Variants in ZC3H12B observed in about 807,000 individuals in gnomAD.
ZC3H12B encodes the protein zinc finger CCCH-type containing 12B.
Under a neutral mutation model 43.9 loss-of-function variants are expected in ZC3H12B, and 7 were observed. The ratio of observed to expected loss-of-function variants is 0.16; its 90% CI spans 0.09 to 0.30. The LOEUF (loss-of-function observed/expected upper bound fraction) is 0.30, where lower values mean the gene tolerates loss of function less well. ZC3H12B is among the 10% of genes least tolerant of loss of function. The probability of loss-of-function intolerance (pLI) is 1.00; values close to 1 mark genes in which losing one functional copy is unlikely to be tolerated. For missense variants in ZC3H12B, 475 were observed against 670.2 expected (o/e 0.71, Z 3.22); for synonymous variants, 222 against 241.7 (o/e 0.92, Z 0.76).
the ZC3H12B span, among the ~76,000 whole-genome samples, chrX:65,231,207 G>A: frequency 9.9e-5 from 11 of 110,821 alleles, no homozygotes; most frequent in Admixed American, 4.8e-4. Flanking sequence ...AAAGGGGAGG[G>A]GGTGTACGAA....
At chrX:65,304,538 C>A in the ZC3H12B span, among the ~76,000 whole-genome samples, 1 of 108,686 alleles carries the variant, frequency 9.2e-6, no homozygotes, top group Non-Finnish European at 1.9e-5. Flanking sequence ...ATGGCGTGAA[C>A]CCGGGAGGCG....
chrX:65,233,347 C>A, the ZC3H12B span, among the ~76,000 whole-genome samples: 1 of 110,915 alleles, frequency 9.0e-6, no homozygotes, highest in Non-Finnish European at 1.9e-5. Context: ...ATATGTTAGG[C>A]CACAAAGCAA....
At chrX:65,098,824 G>A in the ZC3H12B span, among the ~76,000 whole-genome samples, 3 of 110,756 alleles carry the variant, frequency 2.7e-5, no homozygotes, top group African/African-American at 9.9e-5. Context: ...CAGACACAGA[G>A]CTAGCTGCAG....
At chrX:65,157,436 C>T in the ZC3H12B span, among the ~76,000 whole-genome samples, 2 of 111,959 alleles carry the variant, frequency 1.8e-5, no homozygotes, top group Non-Finnish European at 3.8e-5. Flanking sequence ...TAAATTAAAT[C>T]TATTACAATT....
the ZC3H12B span, among the ~76,000 whole-genome samples, chrX:65,042,323 G>A: frequency 1.1e-4 from 12 of 112,766 alleles, no homozygotes; most frequent in Admixed American, 2.8e-4. Context: ...GAGAGACTGA[G>A]TATTCATGTA....
Position 65,384,045 on chromosome X carries a change from T to C in ZC3H12B, n.296-14548T>C, listed in dbSNP as rs750555440. On this transcript the variant is annotated intron_variant and non_coding_transcript_variant, in intron 2 of 5. Transcript: ENST00000617377. ...TATATACCCAAAGGACTATAAATCA[T>C]GCTGCTATAAAGACACATGCACACG... Among the ~76,000 whole-genome samples the C allele has an allele frequency of 6.9e-3, 687 of 99,655 alleles. 1 individual carries two copies. Among genetic ancestry groups the C allele is most frequent in the Middle Eastern group, 0.033 (7 of 213 alleles). 86.5% of individuals were successfully genotyped at this position (99,655 alleles called of 115,157 possible).
chrX:65,160,205 G>A, the ZC3H12B span, among the ~76,000 whole-genome samples: 1 of 111,878 alleles, frequency 8.9e-6, no homozygotes, highest in African/African-American at 3.2e-5. Flanking sequence ...GTTCATCAAG[G>A]ATATTGGTCC....
At chrX:65,131,689 A>G in the ZC3H12B span, among the ~76,000 whole-genome samples, 2 of 111,643 alleles carry the variant, frequency 1.8e-5, no homozygotes, top group Admixed American at 1.9e-4. Flanking sequence ...CGTAGGAAGG[A>G]AAGGAATTGT....
the ZC3H12B span, among the ~76,000 whole-genome samples, chrX:65,350,196 G>T: frequency 8.9e-6 from 1 of 111,786 alleles, no homozygotes; most frequent in Non-Finnish European, 1.9e-5. Context: ...TGCAAGGCTG[G>T]TTCAACATAC....
the ZC3H12B span, among the ~76,000 whole-genome samples, chrX:65,352,308 G>A: frequency 9.0e-6 from 1 of 111,146 alleles, no homozygotes; most frequent in Non-Finnish European, 1.9e-5. Context: ...ACACACCAGG[G>A]CCTGTCCCGG....
the ZC3H12B span, among the ~76,000 whole-genome samples, chrX:65,049,294 A>G: frequency 1.8e-5 from 2 of 111,537 alleles, no homozygotes; most frequent in Non-Finnish European, 1.9e-5. Context: ...TAGGAGTTTT[A>G]TAGTTTCAGG....
the ZC3H12B span, chrX:65,186,351 G>C: frequency 9.2e-6 from 1 of 108,726 alleles, no homozygotes; most frequent in African/African-American, 3.4e-5. Flanking sequence ...AATTAGTCGG[G>C]CATGGTGGAG....
chrX:65,124,917 T>G, the ZC3H12B span, among the ~76,000 whole-genome samples: 1 of 111,591 alleles, frequency 9.0e-6, no homozygotes, highest in Admixed American at 9.5e-5. Flanking sequence ...TCAATTTTTT[T>G]ATCTTATCAA....
At chrX:65,090,128 G>A in the ZC3H12B span, among the ~76,000 whole-genome samples, 1 of 112,441 alleles carries the variant, frequency 8.9e-6, no homozygotes, top group Non-Finnish European at 1.9e-5. Context: ...TATGTGCTAT[G>A]TACTTTTATA....
At chrX:65,148,947 T>C in the ZC3H12B span, among the ~76,000 whole-genome samples, 1 of 111,818 alleles carries the variant, frequency 8.9e-6, no homozygotes, top group African/African-American at 3.3e-5. Context: ...CCTCTCTCTC[T>C]CTTTTTTTAT....
the ZC3H12B span, among the ~76,000 whole-genome samples, chrX:65,090,384 C>G: frequency 8.9e-6 from 1 of 111,876 alleles, no homozygotes; most frequent in Non-Finnish European, 1.9e-5. Flanking sequence ...TATTCTGCAC[C>G]CTCTACTTCT....
chrX:65,142,521 A>G, the ZC3H12B span, among the ~76,000 whole-genome samples: 1 of 112,117 alleles, frequency 8.9e-6, no homozygotes, highest in African/African-American at 3.2e-5. Flanking sequence ...CCAGCAATTT[A>G]TCTTTGTTTT....
chrX:65,286,527 C>G, the ZC3H12B span, among the ~76,000 whole-genome samples: 9 of 110,275 alleles, frequency 8.2e-5, no homozygotes, highest in Non-Finnish European at 1.5e-4. Flanking sequence ...ACCCATGTAA[C>G]AAACCTGCAC....
At chrX:65,108,376 C>T in the ZC3H12B span, among the ~76,000 whole-genome samples, 5 of 110,561 alleles carry the variant, frequency 4.5e-5, no homozygotes, top group African/African-American at 1.6e-4. Context: ...TCTTTATATC[C>T]TTAGTCTATA....
Sources: gnomAD v4.1 joint callset for allele counts (sites outside exome capture counted in the v4.1 genomes callset) on GRCh38, gnomAD v4.1.1 for gene constraint, MANE v1.5 for transcripts, NCBI Gene and HGNC (gene_info 2026-07-23, HGNC 2026-07-21) for gene names.